The following NCOA6 variants were observed in gnomAD, a reference collection of about 807,000 sequenced individuals.
NCOA6 encodes the protein NRC RAP250.
Under a neutral mutation model 171.4 loss-of-function variants are expected in NCOA6, and 49 were observed. That is an observed-to-expected ratio of 0.29 (90% CI 0.23 to 0.36). The LOEUF (loss-of-function observed/expected upper bound fraction) is 0.36, where lower values mean the gene tolerates loss of function less well. Ranked by LOEUF, NCOA6 falls within the 10% of genes least tolerant of loss-of-function variation. The pLI, the probability that NCOA6 is intolerant of heterozygous loss-of-function variation, is 1.00. For missense variants in NCOA6, 2,248 were observed against 2,554.5 expected, an observed-to-expected ratio of 0.88 and a Z score of 2.59; for synonymous variants, 910 against 927.5, an observed-to-expected ratio of 0.98 and a Z score of 0.34.
In NCOA6 at chr20:34,782,662, A is replaced by G. The variant is rs533177813; in HGVS notation, c.-49-258T>C. On this transcript the variant is annotated intron_variant, in intron 2 of 14. Coordinates refer to ENST00000359003, the MANE Select transcript of NCOA6 (RefSeq NM_014071.5). ...ATATGCTACTTTTTTATAAGCTAGA[A>G]TGTCAGGAGAAGGGAAGAAAGGATC... 2.5e-4 allele frequency among the ~76,000 whole-genome samples: 38 copies of G among 152,306 alleles called. 1 individual carries two copies. In the South Asian group the frequency reaches 7.7e-3, roughly 31 times the overall value.
chr20:34,759,420 C>G (rs561822386), intron 5 of NCOA6, among the ~76,000 whole-genome samples: 2 of 119,766 alleles, frequency 1.7e-5, no homozygotes, highest in South Asian at 2.3e-4. Flanking sequence ...TATGTAGATA[C>G]AGCAGAAGCC....
intron 2 of NCOA6, among the ~76,000 whole-genome samples, chr20:34,788,179 T>C (rs1033244452): frequency 6.6e-6 from 1 of 151,956 alleles, no homozygotes; most frequent in Admixed American, 6.6e-5. Flanking sequence ...ATTTCATTTA[T>C]TTTAATTTTT....
At chr20:34,772,035 CTA>C (rs1190747731) in intron 4 of NCOA6, among the ~76,000 whole-genome samples, 1 of 152,140 alleles carries the variant, frequency 6.6e-6, no homozygotes, top group Non-Finnish European at 1.5e-5. Context: ...CAGAAATGTC[CTA>C]ATTTAGGCTA....
chr20:34,763,179 A>G lies in NCOA6; in HGVS notation c.515-4246T>C, dbSNP rs565508860. On this transcript the variant is annotated intron_variant, in intron 5 of 14. Coordinates refer to ENST00000359003, the MANE Select transcript of NCOA6 (RefSeq NM_014071.5). ...ATCCATTCTGGAAAAAATTTTAGCC[A>G]TTCTTTCTTTGACTGTCATCCCTCC... Among the ~76,000 whole-genome samples the G allele has an allele frequency of 3.9e-5, 6 of 152,286 alleles. No individual in the cohort carries two copies. In the South Asian group the frequency reaches 1.2e-3, roughly 32 times the overall value.
chr20:34,799,917 G>A (rs1314656305), intron 1 of NCOA6, among the ~76,000 whole-genome samples: 2 of 152,084 alleles, frequency 1.3e-5, no homozygotes, highest in Non-Finnish European at 2.9e-5. Context: ...AAAACTCACT[G>A]GTAATAGTAA....
intron 12 of NCOA6, among the ~76,000 whole-genome samples, chr20:34,734,838 G>A (rs953876707): frequency 5.3e-5 from 8 of 152,040 alleles, no homozygotes; most frequent in Admixed American, 3.9e-4. Context: ...TTGTAGTTTG[G>A]GGTTTCTCCA....
chr20:34,813,178 A>G (rs1457121935), intron 1 of NCOA6, among the ~76,000 whole-genome samples: 1 of 151,514 alleles, frequency 6.6e-6, no homozygotes, highest in Non-Finnish European at 1.5e-5. Context: ...AAAAAACAAA[A>G]AAATAGGCTG....
At position 34,742,033 on chromosome 20, in the gene NCOA6, A is replaced by G. The variant is rs765246463; in HGVS notation, c.4223T>C (p.Val1408Ala). 2.5e-6 allele frequency: 4 copies of G among 1,614,132 alleles called. No homozygotes were observed. The highest frequency in any genetic ancestry group is 1.3e-5 in the African/African-American group (1 of 75,006). The change falls in exon 11 of 15, where the codon GTT (valine) becomes GCT (alanine). Residue 1408 changes from valine to alanine, a missense_variant. This residue lies in a region of NCOA6 where 884 missense variants were observed against 941.9 expected (regional missense o/e 0.94). Coordinates refer to ENST00000359003, the MANE Select transcript of NCOA6 (RefSeq NM_014071.5). ...PQNSTVSVAA[V>A]GGVVEDNKES... ...CTTGTTATCCTCAACAACACCCCCA[A>G]CTGCAGCCACAGACACAGTAGAATT... is the stretch of plus-strand genomic sequence containing the variant.
intron 2 of NCOA6, among the ~76,000 whole-genome samples, chr20:34,789,204 A>G (rs1287726832): frequency 6.6e-6 from 1 of 152,254 alleles, no homozygotes; most frequent in Admixed American, 6.5e-5. Context: ...AGAAAAGTTA[A>G]GTAAATAGCA....
At chr20:34,777,752 G>A (rs985682533) in intron 3 of NCOA6, among the ~76,000 whole-genome samples, 1 of 152,144 alleles carries the variant, frequency 6.6e-6, no homozygotes, top group Non-Finnish European at 1.5e-5. Flanking sequence ...CTACCTCGGA[G>A]TACACACTCA....
chr20:34,751,376 C>CAAAAAAAAAAAAAAAAAAAAAAAAAAA (rs35848122), intron 8 of NCOA6, among the ~76,000 whole-genome samples: 41 of 68,234 alleles, frequency 6.0e-4, no homozygotes, highest in Admixed American at 1.5e-3. Context: ...GACTCCGTCT[C>CAAAAAAAAAAAAAAAAAAAAAAAAAAA]AAAAAAAAAA....
chr20:34,719,712 C>G (rs1191210888), intron 14 of NCOA6, among the ~76,000 whole-genome samples: 1 of 150,344 alleles, frequency 6.7e-6, no homozygotes, highest in Non-Finnish European at 1.5e-5. Context: ...AAAGTGGTAA[C>G]ATTTTGGAGG....
At chr20:34,804,046 A>C (rs959291148) in intron 1 of NCOA6, among the ~76,000 whole-genome samples, 2 of 150,496 alleles carry the variant, frequency 1.3e-5, no homozygotes, top group Admixed American at 1.3e-4. Context: ...CTCTACAAAA[A>C]TAAAATTTAG....
Position 34,742,144 on chromosome 20 carries a change from G to A in NCOA6, c.4112C>T (p.Pro1371Leu), listed in dbSNP as rs761133969. ...NAALLQNVEL[P>L]RNVLVSPTPL... ...AGTGGGACTGACCAATACATTTCTCGGCAACTCCACATTCTGCAATAGGGC... is the reference window on the plus strand; with the variant it reads ...AGTGGGACTGACCAATACATTTCTCAGCAACTCCACATTCTGCAATAGGGC... Residue 1371 changes from proline (P) to leucine (L), a missense_variant, in exon 11 of 15, where the codon CCG (proline) becomes CTG (leucine). Pro to Leu is a moderately conservative substitution (Grantham distance 98). Coordinates refer to ENST00000359003, the MANE Select transcript of NCOA6 (RefSeq NM_014071.5). The A allele has an allele frequency of 5.0e-6, 8 of 1,614,004 alleles. No homozygotes were observed. The highest frequency in any genetic ancestry group is 4.5e-5 in the East Asian group (2 of 44,892).
intron 1 of NCOA6, among the ~76,000 whole-genome samples, chr20:34,803,788 G>A (rs749298558): frequency 2.1e-4 from 32 of 151,782 alleles, no homozygotes; most frequent in Non-Finnish European, 4.0e-4. Flanking sequence ...TTGAGGTCAG[G>A]AGTTCGAGAG....
chr20:34,745,254 G>A lies in NCOA6; in HGVS notation c.2914+1553C>T, dbSNP rs577953339. Among the ~76,000 whole-genome samples, 18 of 152,246 alleles carry A rather than the reference G, an allele frequency of 1.2e-4. No homozygotes were observed. The South Asian group carries it at 3.3e-3, about 28-fold the overall frequency. On this transcript the variant is annotated intron_variant, in intron 10 of 14. Coordinates refer to ENST00000359003, the MANE Select transcript of NCOA6 (RefSeq NM_014071.5). Reference sequence around the variant, plus strand: ...GCCCTATTTAAAGGCATTTAAACTCGGACTTTTGTTTAAGACACTGCATAG... The same window carrying A: ...GCCCTATTTAAAGGCATTTAAACTCAGACTTTTGTTTAAGACACTGCATAG...
intron 1 of NCOA6, among the ~76,000 whole-genome samples, chr20:34,798,975 G>T (rs2078170323): frequency 6.6e-6 from 1 of 152,090 alleles, no homozygotes; most frequent in Non-Finnish European, 1.5e-5. Flanking sequence ...AAGAAAACAT[G>T]ACCTCACCAA....
At chr20:34,726,052 G>A (rs942739925) in intron 14 of NCOA6, among the ~76,000 whole-genome samples, 3 of 152,192 alleles carry the variant, frequency 2.0e-5, no homozygotes, top group African/African-American at 7.2e-5. Flanking sequence ...GGCTGGGAAG[G>A]GAGACTGAGG....
rs977753679 is a variant in NCOA6, at chr20:34,825,584, CGCCGCCCGCGCCCG to C, written c.-290_-277del. On this transcript the variant is annotated 5_prime_UTR_variant, in exon 1 of 15. Coordinates refer to ENST00000359003, the MANE Select transcript of NCOA6 (RefSeq NM_014071.5). The stretch of plus-strand genomic sequence containing the variant: ...AGTCCTCGCGTGCGCCCGTCTGTCC[CGCCGCCCGCGCCCG>C]GCCGCCCGCAGCCCGACCCGGCAGG... 3 of 149,204 alleles carry C rather than the reference CGCCGCCCGCGCCCG, an allele frequency of 2.0e-5. No homozygotes were observed. The highest frequency in any genetic ancestry group is 4.5e-5 in the Non-Finnish European group (3 of 67,168). The allele number at this position is 149,204 out of a possible 1,614,324, so 9.2% of individuals were successfully genotyped here. A position where few individuals can be genotyped will look rare whatever the true frequency, so the allele number is the denominator to read the frequency against.
Sources: allele counts gnomAD v4.1 joint callset (sites outside exome capture counted in the v4.1 genomes callset), GRCh38; gene constraint gnomAD v4.1.1; regional missense constraint gnomAD v4.1.1; transcripts MANE v1.5; gene names NCBI Gene and HGNC (gene_info 2026-07-23, HGNC 2026-07-21).